Variants in ITPR2 observed in about 807,000 individuals in gnomAD.
The protein encoded by ITPR2 is inositol 1,4,5-trisphosphate receptor type 2, also known as inositol 1,4,5-trisphosphate-gated calcium channel ITPR2.
A neutral mutation model predicts 317.1 loss-of-function variants in ITPR2; 207 were observed. That is an observed-to-expected ratio of 0.65 (90% CI 0.58 to 0.73). ITPR2 has a LOEUF of 0.73. ITPR2 is among the 30% of genes least tolerant of loss of function. The pLI, the probability that ITPR2 is intolerant of heterozygous loss-of-function variation, is 0.00. For synonymous variants in ITPR2, 1,156 were observed against 1,149.1 expected, an observed-to-expected ratio of 1.01 and a Z score of -0.12; for missense variants, 2,613 against 3,284.0, an observed-to-expected ratio of 0.80 and a Z score of 4.99.
Position 26,335,796 on chromosome 12 carries a change from A to G in ITPR2, c.*3601T>C, listed in dbSNP as rs1032331120. On this transcript the variant is annotated 3_prime_UTR_variant, in exon 57 of 57. Transcript: ENST00000381340. ...CCCTGCATTTGGTGTGCACCTCACAATTTCATGCAATTTAGTGACTTGCCA... is the reference window on the plus strand; with the variant it reads ...CCCTGCATTTGGTGTGCACCTCACAGTTTCATGCAATTTAGTGACTTGCCA... The G allele has an allele frequency of 6.6e-6, 1 of 152,130 alleles. No individual in the cohort carries two copies. The highest frequency in any genetic ancestry group is 6.5e-5 in the Admixed American group (1 of 15,268). 9.4% of individuals were successfully genotyped at this position (152,130 alleles called of 1,614,324 possible).
At chr12:26,729,815 G>A (rs925777661) in intron 2 of ITPR2, among the ~76,000 whole-genome samples, 2 of 152,038 alleles carry the variant, frequency 1.3e-5, no homozygotes, top group African/African-American at 2.4e-5. Flanking sequence ...GGAGGATGGA[G>A]GATGAGAGGA....
At chr12:26,473,618 G>A (rs947675536) in intron 45 of ITPR2, among the ~76,000 whole-genome samples, 8 of 152,110 alleles carry the variant, frequency 5.3e-5, no homozygotes. Flanking sequence ...TCCCTCCACA[G>A]TGCTACAGCC....
chr12:26,789,806 A>C (rs1182020336), intron 2 of ITPR2, among the ~76,000 whole-genome samples: 1 of 152,248 alleles, frequency 6.6e-6, no homozygotes, highest in Non-Finnish European at 1.5e-5. Context: ...TAAATTAAAA[A>C]TCTAACAATG....
At chr12:26,651,680 G>A (rs1470864205) in intron 21 of ITPR2, among the ~76,000 whole-genome samples, 1 of 152,188 alleles carries the variant, frequency 6.6e-6, no homozygotes, top group Non-Finnish European at 1.5e-5. Flanking sequence ...TGGTCTTACA[G>A]TGGTTTCACA....
At chr12:26,494,474 T>C in intron 38 of ITPR2, 134 bp from the exon 39 acceptor site, 1 of 592,328 alleles carries the variant, frequency 1.7e-6, no homozygotes, top group South Asian at 3.3e-5. Context: ...AAGTTAAATA[T>C]AATAGAAGCT....
chr12:26,663,582 G>T, intron 15 of ITPR2, 103 bp downstream of exon 15: 3 of 1,106,448 alleles, frequency 2.7e-6, no homozygotes, highest in African/African-American at 1.6e-5. Flanking sequence ...TCATTTCAAA[G>T]TGAAATTTCC....
chr12:26,661,286 G>GC (rs1947494852), intron 15 of ITPR2, among the ~76,000 whole-genome samples: 4 of 101,250 alleles, frequency 4.0e-5, no homozygotes, highest in African/African-American at 1.4e-4. Context: ...GGGGGGGGGG[G>GC]GGTGGGAGGG....
chr12:26,663,556 C>T, intron 15 of ITPR2, 129 bp downstream of exon 15: 1 of 865,864 alleles, frequency 1.2e-6, no homozygotes. Flanking sequence ...TTATGTATTG[C>T]CCAACATAAA....
At chr12:26,782,039 GAGAGAGA>G (rs1950103407) in intron 2 of ITPR2, among the ~76,000 whole-genome samples, 1 of 25,432 alleles carries the variant, frequency 3.9e-5, no homozygotes, top group African/African-American at 1.5e-4. Context: ...TATATGTATA[GAGAGAGA>G]GAGAGAGAGA....
chr12:26,683,922 A>G (rs988639679), intron 11 of ITPR2, among the ~76,000 whole-genome samples: 1 of 152,260 alleles, frequency 6.6e-6, no homozygotes, highest in East Asian at 1.9e-4. Context: ...CAGTGTAAAG[A>G]TAAGGCATAA....
chr12:26,802,169 A>T (rs1950566271), intron 1 of ITPR2, among the ~76,000 whole-genome samples: 1 of 152,068 alleles, frequency 6.6e-6, no homozygotes, highest in Non-Finnish European at 1.5e-5. Flanking sequence ...GGCATATTGC[A>T]TGCACCTGTG....
chr12:26,734,847 CATT>C (rs1949089474), intron 2 of ITPR2, among the ~76,000 whole-genome samples: 1 of 152,062 alleles, frequency 6.6e-6, no homozygotes, highest in African/African-American at 2.4e-5. Context: ...TCTTATTCAT[CATT>C]ATTATTACAT....
At chr12:26,817,222 C>T (rs1303606801) in intron 1 of ITPR2, among the ~76,000 whole-genome samples, 1 of 142,126 alleles carries the variant, frequency 7.0e-6, no homozygotes, top group Non-Finnish European at 1.5e-5. Context: ...GAACAAAGCA[C>T]AGAGCTAGAG....
At chr12:26,778,795 A>G (rs1950024453) in intron 2 of ITPR2, among the ~76,000 whole-genome samples, 1 of 152,230 alleles carries the variant, frequency 6.6e-6, no homozygotes, top group Non-Finnish European at 1.5e-5. Flanking sequence ...GAGAATGAGA[A>G]ATACATCCAA....
chr12:26,780,206 G>A (rs112851025), intron 2 of ITPR2, among the ~76,000 whole-genome samples: 3,830 of 152,288 alleles, frequency 0.025, 168 homozygotes, highest in African/African-American at 0.086. Flanking sequence ...CTTGACAGCA[G>A]CAGAGACCAA....
chr12:26,724,531 A>G (rs938835769), intron 4 of ITPR2, 125 bp downstream of exon 4: 2 of 678,460 alleles, frequency 2.9e-6, no homozygotes, highest in Admixed American at 4.6e-5. Flanking sequence ...ACGTCACAAC[A>G]TCGATAATTC....
intron 43 of ITPR2, among the ~76,000 whole-genome samples, chr12:26,477,350 T>TAA (rs567067688): frequency 6.7e-6 from 1 of 149,906 alleles, no homozygotes; most frequent in African/African-American, 2.5e-5. Context: ...GATGTTTTAA[T>TAA]AAAAAAAAAG....
chr12:26,588,112 G>A (rs1945584252), intron 32 of ITPR2, among the ~76,000 whole-genome samples: 2 of 152,194 alleles, frequency 1.3e-5, no homozygotes, highest in South Asian at 2.1e-4. Context: ...GCATGGGAAT[G>A]AATAAAGAGT....
intron 36 of ITPR2, 113 bp downstream of exon 36, chr12:26,556,120 C>T (rs967696429): frequency 2.2e-6 from 2 of 910,608 alleles, no homozygotes; most frequent in East Asian, 2.7e-5. Context: ...GGATTTTAGA[C>T]CTTTCGCATA....
Sources: gnomAD v4.1 joint callset for allele counts (sites outside exome capture counted in the v4.1 genomes callset) on GRCh38, gnomAD v4.1.1 for gene constraint, MANE v1.5 for transcripts, NCBI Gene and HGNC (gene_info 2026-07-23, HGNC 2026-07-21) for gene names.